Variants in INSC observed in about 807,000 individuals in gnomAD.
The protein encoded by INSC is protein inscuteable homolog.
A neutral mutation model predicts 58.6 loss-of-function variants in INSC; 67 were observed. The observed-to-expected ratio is 1.14, with a 90% CI of 0.94 to 1.40. The LOEUF is 1.40. Among genes scored for constraint, INSC ranks in the 40% most tolerant of loss-of-function variants. The pLI is 0.00. For missense variants in INSC, 714 were observed against 692.0 expected, an observed-to-expected ratio of 1.03 and a Z score of -0.36; for synonymous variants, 262 against 276.1, an observed-to-expected ratio of 0.95 and a Z score of 0.51.
intron 2 of INSC, among the ~76,000 whole-genome samples, chr11:15,159,789 A>G (rs959630742): frequency 5.9e-5 from 9 of 152,204 alleles, no homozygotes; most frequent in African/African-American, 1.9e-4. Flanking sequence ...TCACAGGGTC[A>G]TTGTGAGAAT....
chr11:15,157,572 T>C (rs543324725), intron 2 of INSC, among the ~76,000 whole-genome samples: 2 of 152,174 alleles, frequency 1.3e-5, no homozygotes, highest in East Asian at 3.9e-4. Flanking sequence ...AGACTTTTCA[T>C]AGTGGGGTCA....
intron 1 of INSC, among the ~76,000 whole-genome samples, chr11:15,148,275 A>G (rs1848545111): frequency 6.6e-6 from 1 of 152,236 alleles, no homozygotes; most frequent in African/African-American, 2.4e-5. Context: ...CTTAGATAAT[A>G]GGAAGCCTAG....
At chr11:15,215,280 G>T (rs1851171842) in intron 7 of INSC, among the ~76,000 whole-genome samples, 1 of 152,252 alleles carries the variant, frequency 6.6e-6, no homozygotes, top group South Asian at 2.1e-4. Context: ...ATGTGAAAGT[G>T]CTTTGATTAG....
intron 9 of INSC, among the ~76,000 whole-genome samples, chr11:15,229,964 A>AT (rs1242845300): frequency 7.0e-4 from 11 of 15,700 alleles, no homozygotes; most frequent in African/African-American, 2.9e-3. Context: ...ATATATTTAT[A>AT]TATATATATA....
At chr11:15,199,324 T>C (rs1850489268) in intron 6 of INSC, among the ~76,000 whole-genome samples, 1 of 152,236 alleles carries the variant, frequency 6.6e-6, no homozygotes. Flanking sequence ...TAGCTGATTA[T>C]AAAATGTCAG....
intron 12 of INSC, among the ~76,000 whole-genome samples, chr11:15,243,164 C>T (rs2133984669): frequency 6.6e-6 from 1 of 152,254 alleles, no homozygotes; most frequent in African/African-American, 2.4e-5. Flanking sequence ...TTGGGGGTGT[C>T]CATGGTTTGT....
At chr11:15,239,748 C>G (rs191193487) in intron 11 of INSC, among the ~76,000 whole-genome samples, 1 of 152,306 alleles carries the variant, frequency 6.6e-6, no homozygotes, top group East Asian at 1.9e-4. Flanking sequence ...CAAGAAGTAG[C>G]TCATGTTTAT....
chr11:15,244,638 C>A (rs866508013), intron 12 of INSC, among the ~76,000 whole-genome samples: 6 of 152,164 alleles, frequency 3.9e-5, no homozygotes, highest in Non-Finnish European at 1.5e-5. Flanking sequence ...CCACTTTCCC[C>A]CTCTGAGCCC....
chr11:15,227,221 A>T (rs1851674201), intron 9 of INSC, among the ~76,000 whole-genome samples: 1 of 152,182 alleles, frequency 6.6e-6, no homozygotes, highest in African/African-American at 2.4e-5. Context: ...GTCATCTTTG[A>T]AGAAAGGAGG....
At chr11:15,245,836 C>A in intron 12 of INSC, 76 bp from the exon 13 acceptor site, 1 of 1,531,758 alleles carries the variant, frequency 6.5e-7, no homozygotes, top group South Asian at 1.2e-5. Context: ...ATGCACATTT[C>A]AGGGTAGGTG....
chr11:15,227,133 G>A (rs78734546), intron 9 of INSC, among the ~76,000 whole-genome samples: 11,988 of 152,268 alleles, frequency 0.079, 911 homozygotes, highest in African/African-American at 0.2. Context: ...TAAATGGTTG[G>A]CAGGCAGCTA....
chr11:15,162,248 C>T (rs1229370268), intron 2 of INSC, among the ~76,000 whole-genome samples: 1 of 152,076 alleles, frequency 6.6e-6, no homozygotes, highest in Non-Finnish European at 1.5e-5. Context: ...TATGAGCTCC[C>T]CTCCTACTAA....
At chr11:15,187,567 C>T (rs756119971) in intron 5 of INSC, among the ~76,000 whole-genome samples, 3 of 152,188 alleles carry the variant, frequency 2.0e-5, no homozygotes, top group Admixed American at 6.5e-5. Flanking sequence ...TGATAGATTT[C>T]ACTAGGTTGC....
Position 15,225,840 on chromosome 11 carries a change from A to C in INSC, c.1170+12A>C. 1 of 1,609,004 alleles carries C rather than the reference A, an allele frequency of 6.2e-7. No individual in the cohort carries two copies. The highest frequency in any genetic ancestry group is 1.1e-5 in the South Asian group (1 of 90,046). On this transcript the variant is annotated intron_variant, in intron 9 of 12. Transcript: ENST00000379556. Reference sequence around the variant, plus strand: ...ACACTCGGGACCAGGTAAGACGCCCAGAAGGCACTGAGCACAGGGCCCATA... The same window carrying C: ...ACACTCGGGACCAGGTAAGACGCCCCGAAGGCACTGAGCACAGGGCCCATA...
At chr11:15,131,313 T>C (rs537280334) in intron 1 of INSC, among the ~76,000 whole-genome samples, 1 of 152,188 alleles carries the variant, frequency 6.6e-6, no homozygotes, top group South Asian at 2.1e-4. Flanking sequence ...AATATACAAC[T>C]GTATGGGGTA....
chr11:15,168,935 A>G (rs891154789), intron 2 of INSC, among the ~76,000 whole-genome samples: 1 of 152,192 alleles, frequency 6.6e-6, no homozygotes, highest in Non-Finnish European at 1.5e-5. Context: ...TTATATTTCG[A>G]TAAAAATTTC....
At chr11:15,176,970 CACTGTGTTATATTTTA>C in intron 3 of INSC, 125 bp from the exon 4 acceptor site, 1 of 714,130 alleles carries the variant, frequency 1.4e-6, no homozygotes. Context: ...ACCTGTATCA[CACTGTGTTATATTTTA>C]ACTGCCTGTT....
intron 2 of INSC, among the ~76,000 whole-genome samples, chr11:15,173,586 C>G (rs1426990534): frequency 6.6e-6 from 1 of 151,640 alleles, no homozygotes; most frequent in Non-Finnish European, 1.5e-5. Flanking sequence ...ATGGGTTTCT[C>G]TCTCTCTCTG....
At position 15,243,906 on chromosome 11, in the gene INSC, C is replaced by T. The variant is rs567119043; in HGVS notation, c.1471-2006C>T. 2.0e-5 allele frequency among the ~76,000 whole-genome samples: 3 copies of T among 149,560 alleles called. No individual in the cohort carries two copies. The South Asian group carries it at 6.3e-4, about 32-fold the overall frequency. ...CCACTATTTCTTTTTTTTTTTTCCTCCATCTCTTTTTTATACTTGGTCTTT... is the reference window on the plus strand; with the variant it reads ...CCACTATTTCTTTTTTTTTTTTCCTTCATCTCTTTTTTATACTTGGTCTTT... On this transcript the variant is annotated intron_variant, in intron 12 of 12. Transcript: ENST00000379556.
Sources: gnomAD v4.1 joint callset for allele counts (sites outside exome capture counted in the v4.1 genomes callset) on GRCh38, gnomAD v4.1.1 for gene constraint, MANE v1.5 for transcripts, NCBI Gene and HGNC (gene_info 2026-07-23, HGNC 2026-07-21) for gene names.